Variants in UMAD1 observed in about 807,000 individuals in gnomAD.
The protein encoded by UMAD1 is UBAP1-MVB12-associated (UMA) domain containing 1, also known as UBAP1-MVB12-associated (UMA)-domain containing protein 1.
Under a neutral mutation model 6.1 loss-of-function variants are expected in UMAD1, and 8 were observed. That is an observed-to-expected ratio of 1.30 (90% CI 0.76 to 2.35). The LOEUF is 2.35. UMAD1 is among the 30% of genes most tolerant of loss of function. The probability of loss-of-function intolerance (pLI) is 0.00; values close to 1 mark genes in which losing one functional copy is unlikely to be tolerated. For missense variants in UMAD1, 130 were observed against 78.4 expected, an observed-to-expected ratio of 1.66 and a Z score of -2.49; for synonymous variants, 56 against 31.4, an observed-to-expected ratio of 1.78 and a Z score of -2.61.
intron 3 of UMAD1, among the ~76,000 whole-genome samples, chr7:7,822,126 G>C (rs1202273120): frequency 6.6e-6 from 1 of 151,952 alleles, no homozygotes; most frequent in Non-Finnish European, 1.5e-5. Flanking sequence ...TTTCCAGGGG[G>C]GTTTAGCTAT....
chr7:7,781,455 T>A (rs1263025592), intron 2 of UMAD1, among the ~76,000 whole-genome samples: 1 of 152,060 alleles, frequency 6.6e-6, no homozygotes, highest in Non-Finnish European at 1.5e-5. Flanking sequence ...TTGCTGGCAT[T>A]TTCTTTACAT....
intron 2 of UMAD1, among the ~76,000 whole-genome samples, chr7:7,748,369 G>A (rs1164251776): frequency 6.6e-6 from 1 of 151,798 alleles, no homozygotes; most frequent in Non-Finnish European, 1.5e-5. Flanking sequence ...TATAACATAT[G>A]AATTCAATAT....
At chr7:7,717,925 A>G (rs1040276315) in intron 2 of UMAD1, among the ~76,000 whole-genome samples, 3 of 152,336 alleles carry the variant, frequency 2.0e-5, no homozygotes, top group South Asian at 2.1e-4. Context: ...AATAAACTTG[A>G]TGTTTAATTG....
intron 1 of UMAD1, among the ~76,000 whole-genome samples, chr7:7,669,185 T>C (rs1235107166): frequency 6.6e-6 from 1 of 152,186 alleles, no homozygotes; most frequent in African/African-American, 2.4e-5. Flanking sequence ...AGTACTATTG[T>C]TGGTTTCAGG....
At position 7,698,930 on chromosome 7, in the gene UMAD1, C is replaced by T. The variant is rs547330012; in HGVS notation, c.82+25477C>T. 9.1e-4 allele frequency among the ~76,000 whole-genome samples: 136 copies of T among 149,750 alleles called. 1 individual carries two copies. Among genetic ancestry groups the T allele is most frequent in the Non-Finnish European group, 1.5e-3 (102 of 67,626 alleles). On this transcript the variant is annotated intron_variant, in intron 2 of 3. Coordinates refer to ENST00000682710, the MANE Select transcript of UMAD1 (RefSeq NM_001302348.2). ...GTTGCCCAGGTCTGATAACAGCTCA[C>T]TGAAGTCTCGACTTCCCTGGGCTCA...
At chr7:7,717,555 A>C (rs192903674) in intron 2 of UMAD1, among the ~76,000 whole-genome samples, 39 of 152,312 alleles carry the variant, frequency 2.6e-4, no homozygotes, top group Admixed American at 2.6e-3. Context: ...TGTATTTTTT[A>C]TGATTTCCCA....
chr7:7,783,235 T>C (rs905283190), intron 2 of UMAD1, among the ~76,000 whole-genome samples: 1 of 152,236 alleles, frequency 6.6e-6, no homozygotes, highest in African/African-American at 2.4e-5. Flanking sequence ...CAATTACAGA[T>C]AGTTGTAACT....
intron 2 of UMAD1, among the ~76,000 whole-genome samples, chr7:7,693,615 C>T (rs953717071): frequency 6.6e-6 from 1 of 152,054 alleles, no homozygotes; most frequent in African/African-American, 2.4e-5. Context: ...TGAAATTCTA[C>T]TATATTTTAA....
At chr7:7,742,085 T>A in intron 2 of UMAD1, 3 of 576,552 alleles carry the variant, frequency 5.2e-6, no homozygotes, top group Non-Finnish European at 6.8e-6. Flanking sequence ...TAGTAAACGC[T>A]TGTTGATATG....
rs757852114 is a variant in UMAD1 at position 7,673,346 on chromosome 7, CA to C, written c.-25del. 15 of 1,273,306 alleles carry C rather than the reference CA, an allele frequency of 1.2e-5. No homozygotes were observed. In the South Asian group the frequency reaches 1.5e-4, roughly 13 times the overall value. 78.9% of individuals were successfully genotyped at this position (1,273,306 alleles called of 1,614,324 possible). A position where few individuals can be genotyped will look rare whatever the true frequency, so the allele number is the denominator to read the frequency against. On this transcript the variant is annotated 5_prime_UTR_variant, in exon 2 of 4. Coordinates refer to ENST00000682710, the MANE Select transcript of UMAD1 (RefSeq NM_001302348.2). ...GCAGCAGCAGCAGCAGCAGCAGCAG[CA>C]GCAGCAGCAGCAGCAGCAGCAGCAA...
chr7:7,824,457 T>A (rs945446847), intron 3 of UMAD1, among the ~76,000 whole-genome samples: 6 of 152,170 alleles, frequency 3.9e-5, no homozygotes, highest in Non-Finnish European at 5.9e-5. Flanking sequence ...ATATCCTCTT[T>A]CATCTCCATA....
chr7:7,840,112 G>T lies in UMAD1; in HGVS notation c.157-37169G>T, dbSNP rs139954450. Among the ~76,000 whole-genome samples the T allele has an allele frequency of 1.3e-3, 204 of 152,272 alleles. 1 individual carries two copies. The highest frequency in any genetic ancestry group is 3.9e-3 in the Admixed American group (60 of 15,300). ...AAAAATGGACCCCCCATTTTGGGGG[G>T]CAGGGCAGGTCACAAAATTGGCAGA... On this transcript the variant is annotated intron_variant, in intron 3 of 3. Transcript: ENST00000682710.
At chr7:7,752,987 A>G (rs1323029026) in intron 2 of UMAD1, among the ~76,000 whole-genome samples, 1 of 152,198 alleles carries the variant, frequency 6.6e-6, no homozygotes. Context: ...ATGAAAAAAT[A>G]TATTTATTAT....
chr7:7,760,817 G>GA (rs1177269797), intron 2 of UMAD1, among the ~76,000 whole-genome samples: 1 of 152,152 alleles, frequency 6.6e-6, no homozygotes, highest in Non-Finnish European at 1.5e-5. Flanking sequence ...ATGTGAGATT[G>GA]AAGAAAATAA....
At chr7:7,844,081 C>T (rs559897278) in intron 3 of UMAD1, among the ~76,000 whole-genome samples, 7 of 152,268 alleles carry the variant, frequency 4.6e-5, no homozygotes, top group African/African-American at 1.4e-4. Context: ...AATTCATAGC[C>T]GCCTTCTACC....
intron 3 of UMAD1, among the ~76,000 whole-genome samples, chr7:7,837,007 G>A (rs901097722): frequency 6.7e-6 from 1 of 149,730 alleles, no homozygotes; most frequent in African/African-American, 2.4e-5. Flanking sequence ...ACACAAAGAA[G>A]AATAAATGAA....
chr7:7,696,779 A>G (rs1780329389), intron 2 of UMAD1, among the ~76,000 whole-genome samples: 1 of 151,970 alleles, frequency 6.6e-6, no homozygotes, highest in East Asian at 1.9e-4. Context: ...TATTAACTCT[A>G]TAGGTAGGGC....
At chr7:7,782,734 C>CTTTTT (rs777169882) in intron 2 of UMAD1, among the ~76,000 whole-genome samples, 3 of 127,148 alleles carry the variant, frequency 2.4e-5, no homozygotes, top group Middle Eastern at 4.1e-3. Context: ...TAACCTCTCT[C>CTTTTT]TTTTTTTTTT....
intron 2 of UMAD1, among the ~76,000 whole-genome samples, chr7:7,768,354 C>G (rs1387698018): frequency 2.6e-5 from 4 of 152,176 alleles, no homozygotes; most frequent in Admixed American, 6.5e-5. Context: ...TAACTGCAGT[C>G]TAACAGAAGG....
Sources: allele counts gnomAD v4.1 joint callset (sites outside exome capture counted in the v4.1 genomes callset), GRCh38; gene constraint gnomAD v4.1.1; transcripts MANE v1.5; gene names NCBI Gene and HGNC (gene_info 2026-07-23, HGNC 2026-07-21).